AGBL1: variants seen among roughly 807,000 people sequenced by gnomAD.
AGBL1 encodes the protein cytosolic carboxypeptidase 4.
A neutral mutation model predicts 118.9 loss-of-function variants in AGBL1; 130 were observed. The observed-to-expected ratio is 1.09, with a 90% CI of 0.95 to 1.26. The LOEUF is 1.26. Among genes scored for constraint, AGBL1 ranks in the 50% most tolerant of loss-of-function variants. The pLI, the probability that AGBL1 is intolerant of heterozygous loss-of-function variation, is 0.00. For synonymous variants in AGBL1, 555 were observed against 478.9 expected, an observed-to-expected ratio of 1.16 and a Z score of -2.08; for missense variants, 1,584 against 1,298.1, an observed-to-expected ratio of 1.22 and a Z score of -3.38.
chr15:86,458,258 A>T (rs1479515386), intron 18 of AGBL1, among the ~76,000 whole-genome samples: 1 of 152,100 alleles, frequency 6.6e-6, no homozygotes, highest in African/African-American at 2.4e-5. Context: ...TAGACTACAA[A>T]ATAAAAATAA....
At chr15:86,778,270 G>A (rs1207296051) in intron 22 of AGBL1, among the ~76,000 whole-genome samples, 1 of 152,092 alleles carries the variant, frequency 6.6e-6, no homozygotes, top group Admixed American at 6.5e-5. Context: ...ATGGGACTGG[G>A]GGCAAAATTA....
chr15:86,402,776 AG>A (rs1240147848), intron 18 of AGBL1, among the ~76,000 whole-genome samples: 3 of 152,184 alleles, frequency 2.0e-5, no homozygotes, highest in Non-Finnish European at 2.9e-5. Flanking sequence ...AGTGAAATAA[AG>A]GCATGATTTC....
intron 6 of AGBL1, among the ~76,000 whole-genome samples, chr15:86,234,229 C>A (rs2078501180): frequency 6.6e-6 from 1 of 151,900 alleles, no homozygotes. Context: ...GTGTATGTTC[C>A]CTGTAAGCTC....
chr15:86,510,434 C>T (rs2083040551), intron 18 of AGBL1, among the ~76,000 whole-genome samples: 6 of 151,974 alleles, frequency 3.9e-5, no homozygotes, highest in Admixed American at 2.6e-4. Context: ...TGCATTCTTC[C>T]CACCTAGGAA....
chr15:86,602,267 C>T (rs2084508300), intron 21 of AGBL1, among the ~76,000 whole-genome samples: 1 of 152,134 alleles, frequency 6.6e-6, no homozygotes, highest in Non-Finnish European at 1.5e-5. Context: ...ATAAAAATTT[C>T]CTCCTTCATA....
chr15:86,745,403 C>T (rs1463926207), intron 22 of AGBL1, among the ~76,000 whole-genome samples: 1 of 151,902 alleles, frequency 6.6e-6, no homozygotes, highest in Non-Finnish European at 1.5e-5. Context: ...CGTCTGACCC[C>T]CAAAGTCCGT....
chr15:86,387,241 T>C (rs1317787496), intron 17 of AGBL1, among the ~76,000 whole-genome samples: 4 of 151,898 alleles, frequency 2.6e-5, no homozygotes, highest in East Asian at 1.9e-4. Context: ...GTAGAAGAAG[T>C]GAGGATGAAC....
intron 23 of AGBL1, among the ~76,000 whole-genome samples, chr15:86,928,380 C>T (rs577703659): frequency 1.1e-4 from 17 of 152,246 alleles, no homozygotes; most frequent in South Asian, 8.3e-4. Context: ...GCCCTGTCTG[C>T]AGAAAGATTT....
chr15:86,821,733 T>A (rs577794365), intron 22 of AGBL1, among the ~76,000 whole-genome samples: 2 of 152,336 alleles, frequency 1.3e-5, no homozygotes, highest in South Asian at 4.1e-4. Context: ...GTGGTAGTAC[T>A]GATGGTATTA....
At chr15:86,820,400 A>G (rs936088770) in intron 22 of AGBL1, among the ~76,000 whole-genome samples, 21 of 152,216 alleles carry the variant, frequency 1.4e-4, no homozygotes, top group Non-Finnish European at 2.8e-4. Context: ...CCATCTGACA[A>G]AGGGCTAATA....
intron 5 of AGBL1, among the ~76,000 whole-genome samples, chr15:86,164,543 T>A (rs1024661767): frequency 1.7e-4 from 26 of 152,164 alleles, no homozygotes; most frequent in Non-Finnish European, 3.5e-4. Context: ...AAGATTTTGA[T>A]AATAATAAGG....
At position 86,892,897 on chromosome 15, in the gene AGBL1, T is replaced by C. The variant is rs141270455; in HGVS notation, c.3159-14190T>C. On this transcript the variant is annotated intron_variant, in intron 22 of 22. Coordinates refer to ENST00000614907, the MANE Select transcript of AGBL1 (RefSeq NM_001386094.1). ...GTCCCGGGTGATGATGGTGAGACAT[T>C]CATGGTGAGCATACTCAGTGTGTCT... 7.2e-5 allele frequency among the ~76,000 whole-genome samples: 11 copies of C among 152,284 alleles called. No homozygotes were observed. In the East Asian group the frequency reaches 1.9e-3, roughly 27 times the overall value.
At position 86,638,062 on chromosome 15, in the gene AGBL1, A is replaced by G. The variant is rs559866498; in HGVS notation, c.2995-36211A>G. On this transcript the variant is annotated intron_variant, in intron 21 of 22. Coordinates refer to ENST00000614907, the MANE Select transcript of AGBL1 (RefSeq NM_001386094.1). ...CAGGAAAAAAAATCCTTTATACTTC[A>G]TACTTCGGGACTACTTCTCATCTTC... 2.3e-4 allele frequency among the ~76,000 whole-genome samples: 35 copies of G among 152,168 alleles called. 1 individual carries two copies. Among genetic ancestry groups the G allele is most frequent in the Non-Finnish European group, 4.6e-4 (31 of 68,012 alleles).
intron 5 of AGBL1, among the ~76,000 whole-genome samples, chr15:86,180,982 T>G (rs977255188): frequency 1.4e-4 from 21 of 152,068 alleles, no homozygotes; most frequent in African/African-American, 5.1e-4. Flanking sequence ...TACTACTTAC[T>G]TTTAGAATGG....
intron 19 of AGBL1, among the ~76,000 whole-genome samples, chr15:86,526,520 GCA>G (rs2142208311): frequency 9.1e-6 from 1 of 109,820 alleles, no homozygotes; most frequent in South Asian, 3.1e-4. Flanking sequence ...ATATAAATAT[GCA>G]CACAGATATG....
intron 23 of AGBL1, among the ~76,000 whole-genome samples, chr15:86,970,476 T>C (rs2081095844): frequency 6.6e-6 from 1 of 151,964 alleles, no homozygotes; most frequent in Non-Finnish European, 1.5e-5. Context: ...AAGTCAGTTT[T>C]ACTAAGGCAG....
chr15:86,257,071 A>G, intron 8 of AGBL1, 53 bp downstream of exon 8: 7 of 1,549,164 alleles, frequency 4.5e-6, no homozygotes, highest in Non-Finnish European at 6.2e-6. Flanking sequence ...CATTTTGACC[A>G]TGTTTCCCAG....
In AGBL1 at chr15:86,831,871, G is replaced by A. The variant is rs551211102; in HGVS notation, c.3159-75216G>A. 5.3e-5 allele frequency among the ~76,000 whole-genome samples: 8 copies of A among 152,276 alleles called. No individual in the cohort carries two copies. The South Asian group carries it at 1.5e-3, about 28-fold the overall frequency. Reference sequence around the variant, plus strand: ...CTCCCTTTTGCACTACCCTAGCAGAGGTTCTCCATGAGGATTCCACCCCTG... The same window carrying A: ...CTCCCTTTTGCACTACCCTAGCAGAAGTTCTCCATGAGGATTCCACCCCTG... On this transcript the variant is annotated intron_variant, in intron 22 of 22. Coordinates refer to ENST00000614907, the MANE Select transcript of AGBL1 (RefSeq NM_001386094.1).
At chr15:86,440,910 C>T (rs1425384091) in intron 18 of AGBL1, among the ~76,000 whole-genome samples, 1 of 152,118 alleles carries the variant, frequency 6.6e-6, no homozygotes, top group East Asian at 1.9e-4. Context: ...CAGAATCAGG[C>T]ATAGGAAACA....
Sources: allele counts gnomAD v4.1 joint callset (sites outside exome capture counted in the v4.1 genomes callset), GRCh38; gene constraint gnomAD v4.1.1; transcripts MANE v1.5; gene names NCBI Gene and HGNC (gene_info 2026-07-23, HGNC 2026-07-21).